MAPK10: variants seen among roughly 807,000 people sequenced by gnomAD.
MAPK10 encodes the protein JNK3 alpha protein kinase.
Under a neutral mutation model 59.3 loss-of-function variants are expected in MAPK10, and 25 were observed. That is an observed-to-expected ratio of 0.42 (90% CI 0.31 to 0.59). MAPK10 has a LOEUF of 0.59. MAPK10 is among the 20% of genes least tolerant of loss of function. The pLI is 0.15. For missense variants in MAPK10, 351 were observed against 568.9 expected, an observed-to-expected ratio of 0.62 and a Z score of 3.90; for synonymous variants, 190 against 200.5, an observed-to-expected ratio of 0.95 and a Z score of 0.44.
At chr4:86,377,540 G>C (rs1044055357) in intron 1 of MAPK10, among the ~76,000 whole-genome samples, 1 of 152,210 alleles carries the variant, frequency 6.6e-6, no homozygotes, top group Non-Finnish European at 1.5e-5. Context: ...AGTTTCATGA[G>C]AGCAGGGACC....
At chr4:86,399,625 T>A (rs563907650) in intron 1 of MAPK10, 39 of 152,336 alleles carry the variant, frequency 2.6e-4, no homozygotes, top group African/African-American at 8.7e-4. Context: ...ACACCCAATG[T>A]GACTTTATCA....
chr4:86,327,211 G>A (rs115004681), intron 2 of MAPK10: 1 of 150,330 alleles, frequency 6.7e-6, no homozygotes, highest in African/African-American at 2.4e-5. Context: ...CTGGGCTCAA[G>A]ATATCCCCCT....
intron 1 of MAPK10, among the ~76,000 whole-genome samples, chr4:86,386,368 A>G (rs1741470453): frequency 6.6e-6 from 1 of 152,190 alleles, no homozygotes; most frequent in South Asian, 2.1e-4. Flanking sequence ...TTGCCTGCCC[A>G]CAGCAGGAAG....
chr4:86,080,507 C>T (rs1401180707), intron 9 of MAPK10: 2 of 151,796 alleles, frequency 1.3e-5, no homozygotes, highest in Non-Finnish European at 2.9e-5. Flanking sequence ...AAGGGAACCT[C>T]AATTAAAAAT....
At chr4:86,452,171 T>C (rs1332096161) in intron 1 of MAPK10, among the ~76,000 whole-genome samples, 1 of 152,164 alleles carries the variant, frequency 6.6e-6, no homozygotes, top group Non-Finnish European at 1.5e-5. Flanking sequence ...GAGCAGAGCA[T>C]GCAGAGACCC....
chr4:86,384,675 G>A (rs1741225711), intron 1 of MAPK10, among the ~76,000 whole-genome samples: 1 of 152,168 alleles, frequency 6.6e-6, no homozygotes, highest in Non-Finnish European at 1.5e-5. Flanking sequence ...AGAAGCGGCT[G>A]CACTCAGAAT....
intron 1 of MAPK10, among the ~76,000 whole-genome samples, chr4:86,404,342 C>A (rs762492456): frequency 1.3e-5 from 2 of 152,180 alleles, no homozygotes; most frequent in Non-Finnish European, 2.9e-5. Flanking sequence ...TCTCCTCTTA[C>A]AATTAACCGT....
At chr4:86,411,798 C>T (rs1745202425) in intron 1 of MAPK10, among the ~76,000 whole-genome samples, 1 of 152,284 alleles carries the variant, frequency 6.6e-6, no homozygotes, top group Non-Finnish European at 1.5e-5. Flanking sequence ...TGCGTCTTCG[C>T]CTGTGAGATG....
chr4:86,148,843 C>A (rs1298609070), intron 4 of MAPK10, among the ~76,000 whole-genome samples: 5 of 151,912 alleles, frequency 3.3e-5, no homozygotes, highest in Non-Finnish European at 7.4e-5. Flanking sequence ...TAAAGTACAG[C>A]CAAAAGACAG....
chr4:86,522,080 G>C (rs1023053244), intron 1 of MAPK10, among the ~76,000 whole-genome samples: 1 of 152,174 alleles, frequency 6.6e-6, no homozygotes, highest in East Asian at 1.9e-4. Context: ...ATCCATTTCA[G>C]CTCTAGGTAA....
chr4:86,364,092 T>C (rs1448273589), upstream of MAPK10, among the ~76,000 whole-genome samples: 2 of 103,580 alleles, frequency 1.9e-5, no homozygotes, highest in African/African-American at 2.9e-5. Context: ...GGCTTGAAAC[T>C]CTTTATTGTT....
chr4:86,508,285 CT>C (rs1021013733), intron 1 of MAPK10, among the ~76,000 whole-genome samples: 5 of 152,122 alleles, frequency 3.3e-5, no homozygotes, highest in African/African-American at 1.2e-4. Context: ...TCAATGTTGC[CT>C]TTTCTTCCAT....
chr4:86,093,995 T>C (rs1195247031), intron 9 of MAPK10, among the ~76,000 whole-genome samples: 2 of 151,968 alleles, frequency 1.3e-5, no homozygotes, highest in African/African-American at 2.4e-5. Context: ...TTGTTTGAAA[T>C]AACTCTGTAT....
chr4:86,481,431 A>G (rs1753607298), intron 1 of MAPK10, among the ~76,000 whole-genome samples: 1 of 75,592 alleles, frequency 1.3e-5, no homozygotes, highest in Admixed American at 1.7e-4. Context: ...AAGTGGAGGA[A>G]AAAAAAAAAA....
At chr4:86,240,249 A>AG (rs981001888) in intron 2 of MAPK10, among the ~76,000 whole-genome samples, 2 of 152,166 alleles carry the variant, frequency 1.3e-5, no homozygotes, top group Admixed American at 1.3e-4. Flanking sequence ...GCACTTGCTG[A>AG]GGAGTGTTTT....
chr4:86,251,443 G>A (rs372498596), intron 2 of MAPK10, among the ~76,000 whole-genome samples: 12,022 of 144,668 alleles, frequency 0.083, 1,114 homozygotes, highest in African/African-American at 0.23. Context: ...TTTTGTTCTT[G>A]CGATAGTTTA....
chr4:86,225,639 C>G (rs2090475303), intron 2 of MAPK10, among the ~76,000 whole-genome samples: 1 of 152,176 alleles, frequency 6.6e-6, no homozygotes, highest in Non-Finnish European at 1.5e-5. Flanking sequence ...ACCCGCCCCC[C>G]AACACATTTT....
intron 1 of MAPK10, among the ~76,000 whole-genome samples, chr4:86,434,031 G>C (rs980554464): frequency 6.6e-6 from 1 of 152,108 alleles, no homozygotes; most frequent in African/African-American, 2.4e-5. Flanking sequence ...AGAATATAGA[G>C]TCATGATGTA....
At chr4:86,466,325 T>G (rs577073542) in intron 1 of MAPK10, among the ~76,000 whole-genome samples, 1 of 152,332 alleles carries the variant, frequency 6.6e-6, no homozygotes, top group Admixed American at 6.5e-5. Flanking sequence ...CCTCTCAGTC[T>G]GCATGCCACG....
Sources: gnomAD v4.1 joint callset for allele counts (sites outside exome capture counted in the v4.1 genomes callset) on GRCh38, gnomAD v4.1.1 for gene constraint, MANE v1.5 for transcripts, NCBI Gene and HGNC (gene_info 2026-07-23, HGNC 2026-07-21) for gene names.